Variants in FGF14 observed in about 807,000 individuals in gnomAD.
The protein encoded by FGF14 is fibroblast growth factor 14.
In FGF14, 5 loss-of-function variants were observed where a neutral mutation model predicts 25.5. The observed-to-expected ratio is 0.20, with a 90% CI of 0.10 to 0.41. The LOEUF is 0.41. FGF14 is among the 10% of genes least tolerant of loss of function. FGF14 has a pLI of 1.00. For synonymous variants in FGF14, 138 were observed against 118.3 expected, an observed-to-expected ratio of 1.17 and a Z score of -1.08; for missense variants, 222 against 320.1, an observed-to-expected ratio of 0.69 and a Z score of 2.34.
chr13:101,724,308 T>C (rs2035212467), intron 4 of FGF14, among the ~76,000 whole-genome samples: 1 of 152,040 alleles, frequency 6.6e-6, no homozygotes, highest in East Asian at 1.9e-4. Flanking sequence ...TGGATGAAGC[T>C]GGAAACCATC....
chr13:101,756,836 T>C (rs1484267547), intron 3 of FGF14, among the ~76,000 whole-genome samples: 1 of 152,234 alleles, frequency 6.6e-6, no homozygotes, highest in East Asian at 1.9e-4. Flanking sequence ...CAATTGGCAC[T>C]ATCCTGAGCC....
At chr13:102,185,874 G>A (rs946798817) in intron 1 of FGF14, among the ~76,000 whole-genome samples, 30 of 152,192 alleles carry the variant, frequency 2.0e-4, no homozygotes, top group Admixed American at 1.7e-3. Flanking sequence ...AAGTGACTGC[G>A]ACGTTGTGAA....
intron 3 of FGF14, among the ~76,000 whole-genome samples, chr13:101,816,556 C>G (rs1193594810): frequency 4.6e-5 from 7 of 152,014 alleles, no homozygotes; most frequent in East Asian, 3.9e-4. Flanking sequence ...CTACAGAGAT[C>G]TGAAAAAATT....
At chr13:102,225,112 C>A (rs143567115) in intron 1 of FGF14, among the ~76,000 whole-genome samples, 1 of 152,130 alleles carries the variant, frequency 6.6e-6, no homozygotes, top group East Asian at 1.9e-4. Context: ...TCCTCCTCCA[C>A]GAGAGCTCCT....
intron 1 of FGF14, among the ~76,000 whole-genome samples, chr13:102,083,333 C>G (rs2043728281): frequency 6.6e-6 from 1 of 152,184 alleles, no homozygotes; most frequent in Admixed American, 6.5e-5. Flanking sequence ...GGATTGAACT[C>G]TGACCGTTTT....
chr13:101,957,101 G>A (rs1309855626), intron 1 of FGF14, among the ~76,000 whole-genome samples: 1 of 152,072 alleles, frequency 6.6e-6, no homozygotes, highest in Non-Finnish European at 1.5e-5. Flanking sequence ...GAACTTCAAG[G>A]AGGGCCTATC....
intron 1 of FGF14, among the ~76,000 whole-genome samples, chr13:102,095,337 C>T (rs564127667): frequency 2.2e-4 from 34 of 152,164 alleles, no homozygotes; most frequent in African/African-American, 8.2e-4. Flanking sequence ...GAATCCGTGC[C>T]AGACAGTCAT....
intron 1 of FGF14, among the ~76,000 whole-genome samples, chr13:102,352,395 T>C (rs897595065): frequency 1.3e-5 from 2 of 152,264 alleles, no homozygotes; most frequent in South Asian, 2.1e-4. Context: ...GGGGGAATTT[T>C]AGCTACTAAG....
chr13:102,263,167 T>C, intron 1 of FGF14: 1 of 581,096 alleles, frequency 1.7e-6, no homozygotes, highest in East Asian at 4.3e-5. Flanking sequence ...CCAGGAATCC[T>C]AAAAGTCTTT....
intron 1 of FGF14, among the ~76,000 whole-genome samples, chr13:101,927,041 G>C (rs1025602411): frequency 1.3e-5 from 2 of 152,046 alleles, no homozygotes; most frequent in African/African-American, 2.4e-5. Context: ...TTAGAGCCCC[G>C]AGACAAGCCC....
rs574972124 is a variant in FGF14 at position 101,799,427 on chromosome 13, G to A, written c.408+69298C>T. Among the ~76,000 whole-genome samples the A allele has an allele frequency of 3.3e-5, 5 of 152,188 alleles. No individual in the cohort carries two copies. The South Asian group carries it at 1.0e-3, about 32-fold the overall frequency. ...GTAAGCAGAGGGGAGCCTGCAAGCA[G>A]TGTAGGCAAGTGCCCTGCTGAGGTG... On this transcript the variant is annotated intron_variant, in intron 3 of 4. Coordinates refer to ENST00000376143, the MANE Select transcript of FGF14 (RefSeq NM_004115.4).
chr13:101,754,291 A>G (rs2037498191), intron 3 of FGF14, among the ~76,000 whole-genome samples: 1 of 152,196 alleles, frequency 6.6e-6, no homozygotes, highest in African/African-American at 2.4e-5. Flanking sequence ...TGCCTTAATA[A>G]AAAAGTAGAG....
chr13:101,850,475 T>C (rs1287809231), intron 3 of FGF14, among the ~76,000 whole-genome samples: 1 of 2,444 alleles, frequency 4.1e-4, no homozygotes, highest in African/African-American at 1.4e-3. Context: ...TATATATATA[T>C]ATATATATAT....
At chr13:102,255,903 A>G (rs2052413607) in intron 1 of FGF14, among the ~76,000 whole-genome samples, 1 of 152,216 alleles carries the variant, frequency 6.6e-6, no homozygotes, top group Non-Finnish European at 1.5e-5. Flanking sequence ...ATCTTCCTCT[A>G]AACTTAATGT....
At chr13:101,787,366 A>T (rs962054682) in intron 3 of FGF14, among the ~76,000 whole-genome samples, 29 of 152,220 alleles carry the variant, frequency 1.9e-4, no homozygotes, top group African/African-American at 7.0e-4. Flanking sequence ...TGAATGGATG[A>T]ACCGCTGTTT....
chr13:102,265,154 C>T (rs1445526973), intron 1 of FGF14, among the ~76,000 whole-genome samples: 1 of 152,144 alleles, frequency 6.6e-6, no homozygotes, highest in East Asian at 1.9e-4. Flanking sequence ...TTCTCATTCT[C>T]ATCCTCCATC....
chr13:101,915,831 C>T (rs553124086), intron 1 of FGF14, among the ~76,000 whole-genome samples: 1 of 152,340 alleles, frequency 6.6e-6, no homozygotes, highest in East Asian at 1.9e-4. Flanking sequence ...GTCCCCATCC[C>T]AGGATTTGAC....
chr13:101,884,393 A>G (rs1570465), intron 1 of FGF14, among the ~76,000 whole-genome samples: 45,883 of 151,886 alleles, frequency 0.3, 7,061 homozygotes, highest in South Asian at 0.35. Context: ...GGCTGTCACA[A>G]AAACAGGGAA....
At chr13:101,830,477 A>G (rs1594405755) in intron 3 of FGF14, among the ~76,000 whole-genome samples, 1 of 152,038 alleles carries the variant, frequency 6.6e-6, no homozygotes, top group African/African-American at 2.4e-5. Context: ...CAGGAAATAA[A>G]TTTAGTTACC....
Sources: allele counts gnomAD v4.1 joint callset (sites outside exome capture counted in the v4.1 genomes callset), GRCh38; gene constraint gnomAD v4.1.1; transcripts MANE v1.5; gene names NCBI Gene and HGNC (gene_info 2026-07-23, HGNC 2026-07-21).